The following DSE variants were observed in gnomAD, a reference collection of about 807,000 sequenced individuals.
The protein encoded by DSE is dermatan-sulfate epimerase.
Under a neutral mutation model 84.4 loss-of-function variants are expected in DSE, and 36 were observed. That is an observed-to-expected ratio of 0.43 (90% CI 0.33 to 0.56). The LOEUF (loss-of-function observed/expected upper bound fraction) is 0.56, where lower values mean the gene tolerates loss of function less well. DSE is among the 20% of genes least tolerant of loss of function. The probability of loss-of-function intolerance (pLI) is 0.06; values close to 1 mark genes in which losing one functional copy is unlikely to be tolerated. For missense variants in DSE, 862 were observed against 1,169.6 expected (o/e 0.74, Z 3.84); for synonymous variants, 410 against 430.1 (o/e 0.95, Z 0.58).
intron 2 of DSE, chr6:116,279,876 A>G: frequency 6.2e-7 from 1 of 1,612,934 alleles, no homozygotes; most frequent in Non-Finnish European, 8.5e-7. Flanking sequence ...CGTTTTCCTC[A>G]GAGGCCGAAC....
chr6:116,377,099 G>A (rs970674326), intron 1 of DSE, among the ~76,000 whole-genome samples: 1 of 152,190 alleles, frequency 6.6e-6, no homozygotes, highest in African/African-American at 2.4e-5. Flanking sequence ...TAGGTATACA[G>A]TCAGTTTAAG....
intron 2 of DSE, among the ~76,000 whole-genome samples, chr6:116,345,221 T>G (rs1777877320): frequency 1.3e-5 from 2 of 151,956 alleles, no homozygotes; most frequent in Non-Finnish European, 2.9e-5. Flanking sequence ...AGATAGAAAG[T>G]TAACAAGGAT....
intron 2 of DSE, among the ~76,000 whole-genome samples, chr6:116,330,907 C>T (rs915363133): frequency 6.6e-6 from 1 of 152,106 alleles, no homozygotes; most frequent in Non-Finnish European, 1.5e-5. Flanking sequence ...TATTAGATAA[C>T]CATACAACAT....
chr6:116,276,199 A>C (rs1161357493), intron 2 of DSE, among the ~76,000 whole-genome samples: 1 of 152,238 alleles, frequency 6.6e-6, no homozygotes, highest in Non-Finnish European at 1.5e-5. Flanking sequence ...GACAGAAGAG[A>C]ACAGTGAGGA....
At chr6:116,277,967 A>G (rs1185620419) in intron 2 of DSE, 1 of 152,140 alleles carries the variant, frequency 6.6e-6, no homozygotes, top group African/African-American at 2.4e-5. Flanking sequence ...CCTTGGCAGG[A>G]GCCAATGTAG....
At chr6:116,370,471 G>T (rs1779461152), upstream of DSE, 1 of 986,818 alleles carries the variant, frequency 1.0e-6, no homozygotes, top group Non-Finnish European at 1.2e-6. Flanking sequence ...TCGGGAGGAG[G>T]CAGACTGGAG....
chr6:116,376,624 G>T (rs1779948192), intron 1 of DSE, among the ~76,000 whole-genome samples: 2 of 152,134 alleles, frequency 1.3e-5, no homozygotes, highest in South Asian at 4.1e-4. Context: ...AGCTCCCTTG[G>T]AATATTTTGT....
At chr6:116,423,061 A>G (rs537883826) in intron 2 of DSE, 14 of 152,260 alleles carry the variant, frequency 9.2e-5, no homozygotes, top group African/African-American at 3.4e-4. Flanking sequence ...GAATGTCAGG[A>G]CTTGTAGGTT....
In DSE at chr6:116,443,206, T is replaced by C. The variant is rs188373341; in HGVS notation, c.*5861T>C. On this transcript the variant is annotated 3_prime_UTR_variant, in exon 6 of 6. Coordinates refer to ENST00000644252, the MANE Select transcript of DSE (RefSeq NM_013352.4). ...TTTAACTCCTAGCCCACAGGCAAAA[T>C]GTGTGGCCAAAGGAATGAATATTTT... 1.6e-3 allele frequency: 237 copies of C among 152,196 alleles called. 1 individual carries two copies. The highest frequency in any genetic ancestry group is 5.7e-3 in the African/African-American group (236 of 41,516). The allele number at this position is 152,196 out of a possible 1,614,324, so 9.4% of individuals were successfully genotyped here. A position where few individuals can be genotyped will look rare whatever the true frequency, so the allele number is the denominator to read the frequency against.
At chr6:116,291,395 G>A (rs900860569) in intron 2 of DSE, among the ~76,000 whole-genome samples, 1 of 151,812 alleles carries the variant, frequency 6.6e-6, no homozygotes, top group African/African-American at 2.4e-5. Flanking sequence ...TATAATAAGA[G>A]AGAGGGGGTG....
chr6:116,255,268 A>G (rs1311277789), intron 1 of DSE: 3 of 152,266 alleles, frequency 2.0e-5, no homozygotes. Flanking sequence ...ATACAGGCTC[A>G]GAAGTACAGA....
chr6:116,353,918 T>C (rs979412573), intron 2 of DSE, among the ~76,000 whole-genome samples: 1 of 152,174 alleles, frequency 6.6e-6, no homozygotes, highest in Non-Finnish European at 1.5e-5. Flanking sequence ...TACTCCTATG[T>C]CATATACTGA....
intron 2 of DSE, among the ~76,000 whole-genome samples, chr6:116,345,502 C>T (rs1562243776): frequency 6.6e-6 from 1 of 152,132 alleles, no homozygotes; most frequent in Non-Finnish European, 1.5e-5. Context: ...ACTGAATAAC[C>T]TGCTCCTGAA....
At chr6:116,336,497 T>G (rs184687030) in intron 2 of DSE, among the ~76,000 whole-genome samples, 1 of 152,346 alleles carries the variant, frequency 6.6e-6, no homozygotes, top group Non-Finnish European at 1.5e-5. Context: ...GGCTCACGCC[T>G]GTAATCCCAG....
At chr6:116,392,497 G>A (rs1238535644) in intron 1 of DSE, among the ~76,000 whole-genome samples, 1 of 152,210 alleles carries the variant, frequency 6.6e-6, no homozygotes, top group Non-Finnish European at 1.5e-5. Flanking sequence ...GCAAACTGGA[G>A]CAGCTGCTCT....
chr6:116,348,686 T>C (rs1778140300), intron 2 of DSE, among the ~76,000 whole-genome samples: 1 of 152,184 alleles, frequency 6.6e-6, no homozygotes, highest in African/African-American at 2.4e-5. Flanking sequence ...GTATGTTTAT[T>C]GCGGCATTAT....
intron 1 of DSE, 54 bp from the exon 2 acceptor site, chr6:116,399,144 T>G: frequency 6.9e-7 from 1 of 1,452,182 alleles, no homozygotes; most frequent in Non-Finnish European, 9.4e-7. Context: ...TTTCCACACC[T>G]GTGCCATGTT....
chr6:116,370,987 T>C lies in DSE; in HGVS notation c.-188T>C, dbSNP rs1336793746. On this transcript the variant is annotated 5_prime_UTR_variant, in exon 1 of 6. An upstream start codon of the reference 5' UTR is lost. Transcript: ENST00000644252. ...GGCTGCAGCAGCGCATCCCGGGGCA[T>C]GGCGCGGCGGGGGCGCGGAGGGCTC... 2.0e-6 allele frequency: 2 copies of C among 984,964 alleles called. No homozygotes were observed. Among genetic ancestry groups the C allele is most frequent in the Non-Finnish European group, 2.4e-6 (2 of 829,972 alleles). 61.0% of individuals were successfully genotyped at this position (984,964 alleles called of 1,614,324 possible). A position where few individuals can be genotyped will look rare whatever the true frequency, so the allele number is the denominator to read the frequency against.
chr6:116,397,207 CTTTTTT>C (rs11296951), intron 1 of DSE, among the ~76,000 whole-genome samples: 1 of 105,200 alleles, frequency 9.5e-6, no homozygotes, highest in Non-Finnish European at 1.9e-5. Flanking sequence ...CTCTTTCTTT[CTTTTTT>C]TTTTTTTTTT....
Sources: allele counts gnomAD v4.1 joint callset (sites outside exome capture counted in the v4.1 genomes callset), GRCh38; gene constraint gnomAD v4.1.1; transcripts MANE v1.5; gene names NCBI Gene and HGNC (gene_info 2026-07-23, HGNC 2026-07-21).